KIAA2012: variants seen among roughly 807,000 people sequenced by gnomAD.
The protein encoded by KIAA2012 is KIAA2012.
In KIAA2012, 125 loss-of-function variants were observed where a neutral mutation model predicts 150.6. The ratio of observed to expected loss-of-function variants is 0.83; its 90% CI spans 0.72 to 0.96. The LOEUF (loss-of-function observed/expected upper bound fraction) is 0.96. KIAA2012 is among the 40% of genes least tolerant of loss of function. KIAA2012 has a pLI of 0.00. For missense variants in KIAA2012, 1,219 were observed against 1,354.9 expected, an observed-to-expected ratio of 0.90 and a Z score of 1.57; for synonymous variants, 462 against 504.7, an observed-to-expected ratio of 0.92 and a Z score of 1.13.
intron 5 of KIAA2012, among the ~76,000 whole-genome samples, chr2:202,099,173 A>G (rs1689978119): frequency 6.6e-6 from 1 of 151,938 alleles, no homozygotes; most frequent in Non-Finnish European, 1.5e-5. Flanking sequence ...ATTTTTTTGT[A>G]GAGATTGGGT....
At chr2:202,201,270 C>A (rs1179449174) in intron 22 of KIAA2012, 3 of 1,555,982 alleles carry the variant, frequency 1.9e-6, no homozygotes, top group Admixed American at 1.8e-5. Flanking sequence ...GACATCCCAA[C>A]AACATGTGTC....
intron 2 of KIAA2012, among the ~76,000 whole-genome samples, chr2:202,088,263 T>C (rs1689625995): frequency 6.6e-6 from 1 of 152,176 alleles, no homozygotes; most frequent in Non-Finnish European, 1.5e-5. Flanking sequence ...GGGACTCTTT[T>C]AGCAGAAAGA....
intron 2 of KIAA2012, among the ~76,000 whole-genome samples, chr2:202,089,656 T>C (rs1689666640): frequency 6.6e-6 from 1 of 152,108 alleles, no homozygotes; most frequent in South Asian, 2.1e-4. Context: ...GTGGATCACT[T>C]TCATGGAGCA....
At chr2:202,090,335 C>T (rs1689684661) in intron 2 of KIAA2012, among the ~76,000 whole-genome samples, 1 of 152,236 alleles carries the variant, frequency 6.6e-6, no homozygotes, top group Non-Finnish European at 1.5e-5. Flanking sequence ...GCCAGGCTCC[C>T]CATGAACATG....
In KIAA2012 at chr2:202,105,868, C is replaced by T; in HGVS notation, c.1432C>T (p.His478Tyr). ...SLETPWELTV[H>Y]LPVDASRDTL... is the part of the protein sequence containing the mutation. ...AGAAACACCATGGGAGTTAACAGTG[C>T]ATCTCCCAGTGGACGCGAGCAGGGA... Residue 478 changes from histidine (H) to tyrosine (Y), a missense_variant, in exon 9 of 24, where the codon CAT (histidine) becomes TAT (tyrosine). Physicochemically the swap from His to Tyr is moderately conservative, Grantham distance 83. Transcript: ENST00000498697. 2 of 1,550,874 alleles carry T rather than the reference C, an allele frequency of 1.3e-6. No homozygotes were observed. Among genetic ancestry groups the T allele is most frequent in the Non-Finnish European group, 1.7e-6 (2 of 1,147,046 alleles).
At position 202,090,899 on chromosome 2, in the gene KIAA2012, C is replaced by T; in HGVS notation, c.499C>T (p.Pro167Ser). ...YLRGLLRTWPPDAMYRLWCAG... is the reference protein window; with the variant it reads ...YLRGLLRTWPSDAMYRLWCAG... ...CCGAGGCCTCCTGCGGACTTGGCCC[C>T]CAGACGCCATGTATAGGCTCTGGTG... Residue 167 changes from proline (P) to serine (S), a missense_variant, in exon 3 of 24, where the codon CCA (proline) becomes TCA (serine). Pro to Ser is a moderately conservative substitution (Grantham distance 74, BLOSUM62 -1). Transcript: ENST00000498697. 2 of 1,550,332 alleles carry T rather than the reference C, an allele frequency of 1.3e-6. No individual in the cohort carries two copies. Among genetic ancestry groups the T allele is most frequent in the Non-Finnish European group, 1.7e-6 (2 of 1,146,782 alleles).
intron 13 of KIAA2012, among the ~76,000 whole-genome samples, chr2:202,142,271 G>A (rs1249457960): frequency 3.9e-5 from 6 of 152,134 alleles, no homozygotes; most frequent in Non-Finnish European, 8.8e-5. Flanking sequence ...ACACAGTCTT[G>A]GTTCAATCCC....
chr2:202,106,463 G>T (rs185812841), intron 9 of KIAA2012, among the ~76,000 whole-genome samples: 9 of 152,104 alleles, frequency 5.9e-5, no homozygotes, highest in Non-Finnish European at 1.0e-4. Flanking sequence ...AGGTGGGCGG[G>T]GATCACTTGA....
intron 12 of KIAA2012, 52 bp from the exon 13 acceptor site, chr2:202,138,380 A>C (rs1186481745): frequency 3.7e-6 from 5 of 1,335,258 alleles, no homozygotes; most frequent in African/African-American, 1.5e-5. Context: ...AAAAGTCATG[A>C]GATCCAGATC....
At chr2:202,121,208 G>A (rs1690645821) in intron 11 of KIAA2012, among the ~76,000 whole-genome samples, 1 of 152,162 alleles carries the variant, frequency 6.6e-6, no homozygotes, top group Non-Finnish European at 1.5e-5. Context: ...GTAACTTTAC[G>A]GAGCAGAGCC....
chr2:202,180,540 C>A (rs1010933731), intron 15 of KIAA2012, among the ~76,000 whole-genome samples: 2 of 152,086 alleles, frequency 1.3e-5, no homozygotes, highest in Non-Finnish European at 2.9e-5. Flanking sequence ...TCAAAACATT[C>A]CTGACCAGAT....
At chr2:202,201,368 G>A (rs549882716) in intron 22 of KIAA2012, 1 of 1,583,714 alleles carries the variant, frequency 6.3e-7, no homozygotes, top group Non-Finnish European at 8.7e-7. Context: ...GCACAAAGGT[G>A]GCCTTGGTTC....
At chr2:202,167,082 G>A (rs1691783609) in intron 15 of KIAA2012, among the ~76,000 whole-genome samples, 1 of 151,732 alleles carries the variant, frequency 6.6e-6, no homozygotes, top group South Asian at 2.1e-4. Flanking sequence ...GCTGAGGCAG[G>A]AGAATGGCAT....
chr2:202,106,135 C>G (rs2105925041), intron 9 of KIAA2012: 1 of 1,251,492 alleles, frequency 8.0e-7, no homozygotes, highest in East Asian at 2.5e-5. Flanking sequence ...CTAACTCATC[C>G]CACTGCTAAT....
At chr2:202,091,475 T>A (rs1689720095) in intron 3 of KIAA2012, among the ~76,000 whole-genome samples, 1 of 152,078 alleles carries the variant, frequency 6.6e-6, no homozygotes, top group African/African-American at 2.4e-5. Flanking sequence ...TCCAGCGCAA[T>A]CCATTAGGAG....
At chr2:202,086,672 G>A (rs1047116519) in intron 2 of KIAA2012, among the ~76,000 whole-genome samples, 7 of 152,258 alleles carry the variant, frequency 4.6e-5, no homozygotes, top group East Asian at 3.9e-4. Context: ...CTAAGCATTC[G>A]TTTAATTCAT....
intron 14 of KIAA2012, among the ~76,000 whole-genome samples, chr2:202,160,797 C>T (rs1205677124): frequency 6.6e-6 from 1 of 152,186 alleles, no homozygotes; most frequent in Non-Finnish European, 1.5e-5. Flanking sequence ...CCAAATGTCT[C>T]TTCCTGGTTA....
At chr2:202,194,120 C>G in intron 20 of KIAA2012, 70 bp from the exon 21 acceptor site, 1 of 1,511,650 alleles carries the variant, frequency 6.6e-7, no homozygotes, top group Non-Finnish European at 8.9e-7. Flanking sequence ...TGGGCACTGT[C>G]TGTTGGCTCA....
intron 9 of KIAA2012, among the ~76,000 whole-genome samples, chr2:202,107,465 C>A (rs1345967935): frequency 6.6e-6 from 1 of 152,104 alleles, no homozygotes; most frequent in African/African-American, 2.4e-5. Flanking sequence ...CACCTTTCTA[C>A]TTATGGGCCA....
Sources: allele counts gnomAD v4.1 joint callset (sites outside exome capture counted in the v4.1 genomes callset), GRCh38; gene constraint gnomAD v4.1.1; transcripts MANE v1.5; gene names NCBI Gene and HGNC (gene_info 2026-07-23, HGNC 2026-07-21).